TYRP1: variants seen among roughly 807,000 people sequenced by gnomAD.
The protein encoded by TYRP1 is tyrosinase related protein 1.
In TYRP1, 49 loss-of-function variants were observed where a neutral mutation model predicts 42.8. The ratio of observed to expected loss-of-function variants is 1.14; its 90% CI spans 0.91 to 1.45. TYRP1 has a LOEUF of 1.45. Ranked by LOEUF, TYRP1 falls within the 40% of genes most tolerant of loss-of-function variation. The pLI is 0.00. For synonymous variants in TYRP1, 279 were observed against 235.4 expected, an observed-to-expected ratio of 1.19 and a Z score of -1.69; for missense variants, 848 against 662.0, an observed-to-expected ratio of 1.28 and a Z score of -3.08.
At chr9:12,708,406 C>T (rs1818296360) in intron 7 of TYRP1, among the ~76,000 whole-genome samples, 2 of 151,834 alleles carry the variant, frequency 1.3e-5, no homozygotes, top group South Asian at 2.1e-4. Flanking sequence ...CTTCATTTCA[C>T]AAATAAGGAA....
At chr9:12,697,199 C>G (rs150932065) in intron 3 of TYRP1, among the ~76,000 whole-genome samples, 2 of 152,250 alleles carry the variant, frequency 1.3e-5, no homozygotes, top group African/African-American at 4.8e-5. Flanking sequence ...AATGAAAGGG[C>G]AGGTGGAAAG....
Position 12,708,966 on chromosome 9 carries a change from T to C in TYRP1, c.1409-11T>C. The C allele has an allele frequency of 6.2e-7, 1 of 1,610,020 alleles. No homozygotes were observed. The highest frequency in any genetic ancestry group is 1.1e-5 in the South Asian group (1 of 90,976). On this transcript the variant is annotated splice_polypyrimidine_tract_variant and intron_variant, in intron 7 of 7. Transcript: ENST00000388918. ...ATTTGTCTTTTTATTTTTATCTTCC[T>C]TTCCAAATAGGTCGGGAGTTTAGTG...
At chr9:12,704,105 A>G (rs892275379) in intron 5 of TYRP1, among the ~76,000 whole-genome samples, 1 of 152,032 alleles carries the variant, frequency 6.6e-6, no homozygotes, top group African/African-American at 2.4e-5. Flanking sequence ...ATAAGGTAGG[A>G]GGCTGAAGTA....
At chr9:12,706,408 A>G (rs1412397063) in intron 6 of TYRP1, among the ~76,000 whole-genome samples, 1 of 152,018 alleles carries the variant, frequency 6.6e-6, no homozygotes, top group Non-Finnish European at 1.5e-5. Context: ...CATTGATAGC[A>G]AGTTGTTAAA....
intron 3 of TYRP1, among the ~76,000 whole-genome samples, chr9:12,698,180 C>T (rs1038282707): frequency 1.3e-5 from 2 of 152,018 alleles, no homozygotes; most frequent in Non-Finnish European, 2.9e-5. Flanking sequence ...AAAAAGAAGA[C>T]CCTTTATCCC....
rs1818337682 is a variant in TYRP1, at chr9:12,710,195, T to A, written c.*1013T>A. ...TTTTTGATCTTGTGCTATGAAACAA[T>A]CTTCCAAAGAACTGTATAAGGTGGT... is the stretch of plus-strand genomic sequence containing the variant. On this transcript the variant is annotated 3_prime_UTR_variant, in exon 8 of 8. Transcript: ENST00000388918. The A allele has an allele frequency of 6.6e-6, 1 of 151,624 alleles. No homozygotes were observed. The highest frequency in any genetic ancestry group is 1.9e-4 in the East Asian group (1 of 5,160). The allele number at this position is 151,624 out of a possible 1,614,324, so 9.4% of individuals were successfully genotyped here.
Position 12,702,288 on chromosome 9 carries a change from A to G in TYRP1, c.931A>G (p.Ile311Val), listed in dbSNP as rs568712212. The change falls in exon 5 of 8, where the codon ATT becomes GTT. Residue 311 changes from isoleucine to valine, a missense_variant. Ile to Val is a conservative substitution (Grantham distance 29). Transcript: ENST00000388918. ...TTCTGCAGGCACCGAGGATGGGCCAATTAGGAGAAATCCAGCTGGAAATGT... is the reference window on the plus strand; with the variant it reads ...TTCTGCAGGCACCGAGGATGGGCCAGTTAGGAGAAATCCAGCTGGAAATGT... The part of the protein sequence containing the change: ...TLCNSTEDGP[I>V]RRNPAGNVAR... 19 of 1,613,056 alleles carry G rather than the reference A, an allele frequency of 1.2e-5. No homozygotes were observed. In the East Asian group the frequency reaches 2.7e-4, roughly 23 times the overall value.
intron 4 of TYRP1, among the ~76,000 whole-genome samples, chr9:12,699,134 G>A (rs1378885684): frequency 6.6e-6 from 1 of 152,082 alleles, no homozygotes; most frequent in Non-Finnish European, 1.5e-5. Context: ...GCTGATATGG[G>A]GGATAGTTTT....
In TYRP1 at chr9:12,702,469, A is replaced by T. The variant is rs41306302; in HGVS notation, c.1081+31A>T. 2.3e-3 allele frequency: 3,644 copies of T among 1,604,940 alleles called. 2 individuals are homozygous for T. The highest frequency in any genetic ancestry group is 2.5e-3 in the Non-Finnish European group (2,960 of 1,173,628). Reference sequence around the variant, plus strand: ...TAAATGAAATCAGTATTTTTAAAAGATCTAGTTATCAGAGAAAACTGAATT... The same window carrying T: ...TAAATGAAATCAGTATTTTTAAAAGTTCTAGTTATCAGAGAAAACTGAATT... On this transcript the variant is annotated intron_variant, in intron 5 of 7. Transcript: ENST00000388918.
rs772938158 is a variant in TYRP1, at chr9:12,708,980, G to A, written c.1412G>A (p.Arg471Gln). 25 of 1,611,852 alleles carry A rather than the reference G, an allele frequency of 1.6e-5. No homozygotes were observed. In the Middle Eastern group the frequency reaches 5.0e-4, roughly 32 times the overall value. ...GYTYEIQWPS[R>Q]EFSVPEIIAI... ...TTTTATCTTCCTTTCCAAATAGGTC[G>A]GGAGTTTAGTGTACCTGAGATAATT... The change falls in exon 8 of 8, where the codon CGG (arginine) becomes CAG (glutamine). Residue 471 changes from arginine (R) to glutamine (Q), a missense_variant. Coordinates refer to ENST00000388918, the MANE Select transcript of TYRP1 (RefSeq NM_000550.3).
Position 12,704,548 on chromosome 9 carries a change from G to A in TYRP1, c.1104G>A (p.Lys368=), listed in dbSNP as rs776084293. ...TAGGTTACAGTGACCCCACGGGAAA[G>A]TATGACCCTGCTGTTCGAAGTCTTC... ...TVEGYSDPTG[K]YDPAVRSLHN... Residue 368 remains lysine (K), a synonymous_variant, in exon 6 of 8, where the codon AAG becomes AAA. Coordinates refer to ENST00000388918, the MANE Select transcript of TYRP1 (RefSeq NM_000550.3). 1 of 1,612,650 alleles carries A rather than the reference G, an allele frequency of 6.2e-7. No individual in the cohort carries two copies. The highest frequency in any genetic ancestry group is 1.3e-5 in the African/African-American group (1 of 74,932).
At position 12,694,368 on chromosome 9, in the gene TYRP1, G is replaced by A. The variant is rs1818043653; in HGVS notation, c.372G>A (p.Gln124=). The A allele has an allele frequency of 6.2e-7, 1 of 1,613,886 alleles. No homozygotes were observed. The highest frequency in any genetic ancestry group is 1.7e-5 in the Admixed American group (1 of 59,994). ...GCTGGAGAGGAGCTGCCTGTGACCA[G>A]AGGGTTCTCATAGGTAAGTGGAGAT... ...RPGWRGAACD[Q]RVLIVRRNLL... The change falls in exon 2 of 8, where the codon CAG becomes CAA. Residue 124 remains glutamine, a synonymous_variant. Coordinates refer to ENST00000388918, the MANE Select transcript of TYRP1 (RefSeq NM_000550.3).
chr9:12,700,006 G>GAAGAA (rs1818140733), intron 4 of TYRP1: 1 of 152,010 alleles, frequency 6.6e-6, no homozygotes, highest in Non-Finnish European at 1.5e-5. Flanking sequence ...ATGACAAATT[G>GAAGAA]AAGAATATTT....
rs764213444 is a variant in TYRP1, at chr9:12,693,979, A to C, written c.-18A>C. 1.1e-5 allele frequency: 18 copies of C among 1,613,170 alleles called. No homozygotes were observed. In the South Asian group the frequency reaches 2.0e-4, roughly 18 times the overall value. ...GCTGCAAACCAGGTCTTTGTTTTGC[A>C]CTCTTATTTCAAGCAGAATGAGTGC... is the stretch of plus-strand genomic sequence containing the variant. On this transcript the variant is annotated 5_prime_UTR_variant, in exon 2 of 8. Coordinates refer to ENST00000388918, the MANE Select transcript of TYRP1 (RefSeq NM_000550.3).
chr9:12,704,846 C>T lies in TYRP1; in HGVS notation c.1261+141C>T, dbSNP rs956106711. 8.6e-6 allele frequency: 7 copies of T among 810,828 alleles called. No homozygotes were observed. The African/African-American group carries it at 1.0e-4, about 12-fold the overall frequency. 50.2% of individuals were successfully genotyped at this position (810,828 alleles called of 1,614,324 possible). On this transcript the variant is annotated intron_variant, in intron 6 of 7. Coordinates refer to ENST00000388918, the MANE Select transcript of TYRP1 (RefSeq NM_000550.3). ...CATAGCTGTAATATCAAGTCACTTC[C>T]AGACATTCAATTCTACTTTGAAAAT...
At chr9:12,707,220 T>A (rs986198012) in intron 6 of TYRP1, among the ~76,000 whole-genome samples, 2 of 152,036 alleles carry the variant, frequency 1.3e-5, no homozygotes, top group Non-Finnish European at 2.9e-5. Context: ...CCAAGAGTGA[T>A]CACTACTTTA....
intron 6 of TYRP1, 193 bp from the exon 7 acceptor site, chr9:12,707,804 T>C: frequency 1.7e-6 from 1 of 583,974 alleles, no homozygotes; most frequent in South Asian, 2.5e-5. Flanking sequence ...ATATTGGTAC[T>C]GTATTCAAAG....
rs1818040319 is a variant in TYRP1 at position 12,694,224 on chromosome 9, C to T, written c.228C>T (p.Ser76=). 6.2e-7 allele frequency: 1 copy of T among 1,613,650 alleles called. No individual in the cohort carries two copies. Among genetic ancestry groups the T allele is most frequent in the African/African-American group, 1.3e-5 (1 of 74,924 alleles). ...TGACTGCAGACTCCCGGCCCCACAGCCCTCAGTATCCCCATGATGGCAGAG... is the reference window on the plus strand; with the variant it reads ...TGACTGCAGACTCCCGGCCCCACAGTCCTCAGTATCCCCATGATGGCAGAG... ...EAVTADSRPH[S]PQYPHDGRDD... The change falls in exon 2 of 8, where the codon AGC becomes AGT. Residue 76 remains serine, a synonymous_variant. Coordinates refer to ENST00000388918, the MANE Select transcript of TYRP1 (RefSeq NM_000550.3).
At chr9:12,700,405 T>C (rs982984054) in intron 4 of TYRP1, 1 of 152,128 alleles carries the variant, frequency 6.6e-6, no homozygotes, top group Non-Finnish European at 1.5e-5. Flanking sequence ...AAATAGTTAA[T>C]ATTTTATTGC....
Sources: gnomAD v4.1 joint callset for allele counts (sites outside exome capture counted in the v4.1 genomes callset) on GRCh38, gnomAD v4.1.1 for gene constraint, MANE v1.5 for transcripts, NCBI Gene and HGNC (gene_info 2026-07-23, HGNC 2026-07-21) for gene names.